Variants in TADA2A observed in about 807,000 individuals in gnomAD.
TADA2A encodes transcriptional adaptor 2A.
Under a neutral mutation model 67.4 loss-of-function variants are expected in TADA2A, and 38 were observed. The observed-to-expected ratio is 0.56, with a 90% CI of 0.44 to 0.74. The LOEUF is 0.74. Among genes scored for constraint, TADA2A ranks in the 30% least tolerant of loss-of-function variants. The pLI is 0.00. For missense variants in TADA2A, 454 were observed against 547.0 expected (o/e 0.83, Z 1.70); for synonymous variants, 192 against 181.6 (o/e 1.06, Z -0.46).
chr17:37,416,475 C>G (rs192889728), intron 2 of TADA2A, among the ~76,000 whole-genome samples: 72 of 152,092 alleles, frequency 4.7e-4, no homozygotes, highest in African/African-American at 1.6e-3. Context: ...TGCTTTTTTA[C>G]TTTCCTTATG....
intron 9 of TADA2A, among the ~76,000 whole-genome samples, chr17:37,459,935 G>A (rs2053505406): frequency 6.6e-6 from 1 of 151,452 alleles, no homozygotes; most frequent in African/African-American, 2.4e-5. Flanking sequence ...GGGTGGTGGT[G>A]CATGCCTGTA....
At chr17:37,474,407 C>G (rs1157130463) in intron 14 of TADA2A, 149 bp from the exon 15 acceptor site, 1 of 641,708 alleles carries the variant, frequency 1.6e-6, no homozygotes, top group African/African-American at 1.8e-5. Flanking sequence ...GTTAGCTAAA[C>G]AGGCCTGAGG....
chr17:37,477,946 A>G lies in TADA2A; in HGVS notation c.*964A>G, dbSNP rs1276922195. On this transcript the variant is annotated 3_prime_UTR_variant, in exon 16 of 16. Transcript: ENST00000615182. ...ACCAGCCTGACCAACATGGTGAAAC[A>G]GTCTCTACTAAAAATACAAAAATTA... The G allele has an allele frequency of 6.6e-6, 1 of 151,792 alleles. No homozygotes were observed. Among genetic ancestry groups the G allele is most frequent in the Non-Finnish European group, 1.5e-5 (1 of 67,950 alleles). 9.4% of individuals were successfully genotyped at this position (151,792 alleles called of 1,614,324 possible).
chr17:37,436,447 C>T (rs748626946), intron 4 of TADA2A: 2 of 152,182 alleles, frequency 1.3e-5, no homozygotes, highest in African/African-American at 2.4e-5. Context: ...GCAGCCTCCA[C>T]CTTCCAGTTC....
chr17:37,465,675 A>G (rs2053650249), intron 11 of TADA2A, 134 bp downstream of exon 11: 3 of 1,494,120 alleles, frequency 2.0e-6, no homozygotes, highest in Middle Eastern at 1.9e-4. Flanking sequence ...CTTTATTACC[A>G]TGAGACAAAT....
intron 14 of TADA2A, among the ~76,000 whole-genome samples, chr17:37,473,543 C>T (rs1169282235): frequency 1.3e-5 from 2 of 152,060 alleles, no homozygotes; most frequent in South Asian, 2.1e-4. Flanking sequence ...TGTAACAGTC[C>T]CTCCCCTTTC....
chr17:37,456,066 TG>T (rs199892534), intron 8 of TADA2A, among the ~76,000 whole-genome samples: 2,715 of 152,180 alleles, frequency 0.018, 77 homozygotes, highest in African/African-American at 0.062. Flanking sequence ...TAGCCAGGCA[TG>T]GTGGCGCACA....
chr17:37,434,540 T>A (rs2052664718), intron 4 of TADA2A, among the ~76,000 whole-genome samples: 1 of 152,248 alleles, frequency 6.6e-6, no homozygotes, highest in African/African-American at 2.4e-5. Context: ...TTGACTAATG[T>A]GTTCCTCTCT....
chr17:37,459,561 G>A (rs1568175221), intron 9 of TADA2A, among the ~76,000 whole-genome samples: 2 of 150,304 alleles, frequency 1.3e-5, no homozygotes, highest in Non-Finnish European at 3.0e-5. Flanking sequence ...GGGATTACAG[G>A]CGTGAGCCAC....
chr17:37,436,198 T>C (rs1268329243), intron 4 of TADA2A, among the ~76,000 whole-genome samples: 1 of 152,198 alleles, frequency 6.6e-6, no homozygotes, highest in East Asian at 1.9e-4. Flanking sequence ...TTTTAAGATT[T>C]GGCAATTTCT....
chr17:37,429,826 C>T (rs1444853406), intron 4 of TADA2A, among the ~76,000 whole-genome samples: 1 of 152,132 alleles, frequency 6.6e-6, no homozygotes, highest in East Asian at 1.9e-4. Flanking sequence ...TAAACAATTT[C>T]AGTCTTTTAA....
intron 15 of TADA2A, among the ~76,000 whole-genome samples, chr17:37,475,522 G>T (rs2053875304): frequency 6.6e-6 from 1 of 152,032 alleles, no homozygotes. Context: ...ACCCAGGCTG[G>T]AGTGCAGTGG....
intron 2 of TADA2A, among the ~76,000 whole-genome samples, chr17:37,422,481 G>GATGATTATTATT (rs1296355161): frequency 2.6e-4 from 35 of 136,990 alleles, no homozygotes; most frequent in African/African-American, 6.3e-4. Context: ...ATGCCCAGCT[G>GATGATTATTATT]ATTATTATTA....
chr17:37,466,880 G>C (rs1358954323), intron 11 of TADA2A, among the ~76,000 whole-genome samples: 1 of 152,198 alleles, frequency 6.6e-6, no homozygotes, highest in African/African-American at 2.4e-5. Context: ...ATTTTGCCCA[G>C]TGCGGTGGCT....
chr17:37,417,758 C>G (rs1470151926), intron 2 of TADA2A, among the ~76,000 whole-genome samples: 1 of 152,072 alleles, frequency 6.6e-6, no homozygotes, highest in Non-Finnish European at 1.5e-5. Context: ...TGGTCTTGAA[C>G]TTCTGGCCTC....
Position 37,477,060 on chromosome 17 carries a change from A to G in TADA2A, c.*78A>G. 7.0e-7 allele frequency: 1 copy of G among 1,437,610 alleles called. No homozygotes were observed. Among genetic ancestry groups the G allele is most frequent in the South Asian group, 1.4e-5 (1 of 73,908 alleles). 89.1% of individuals were successfully genotyped at this position (1,437,610 alleles called of 1,614,324 possible). ...AGGACAATATGGGTGGGCATTCTGG[A>G]GAGTTGTTTTTCAGCTGAATTCTCA... On this transcript the variant is annotated 3_prime_UTR_variant, in exon 16 of 16. Transcript: ENST00000615182.
At chr17:37,437,912 A>G (rs1411433521) in intron 5 of TADA2A, 83 bp downstream of exon 5, 9 of 1,277,816 alleles carry the variant, frequency 7.0e-6, no homozygotes, top group African/African-American at 1.5e-5. Context: ...AAGGAACCTC[A>G]GGAAGAGAAA....
intron 2 of TADA2A, 45 bp from the exon 3 acceptor site, chr17:37,423,464 C>A: frequency 1.4e-6 from 2 of 1,458,584 alleles, no homozygotes; most frequent in Non-Finnish European, 1.9e-6. Flanking sequence ...CTTAAGATAA[C>A]CGTAAGGTGG....
At chr17:37,411,148 G>A in intron 1 of TADA2A, 121 bp from the exon 2 acceptor site, 1 of 587,720 alleles carries the variant, frequency 1.7e-6, no homozygotes, top group South Asian at 2.3e-5. Flanking sequence ...TTCAGAGGTG[G>A]AATAATTTTT....
Sources: allele counts gnomAD v4.1 joint callset (sites outside exome capture counted in the v4.1 genomes callset), GRCh38; gene constraint gnomAD v4.1.1; transcripts MANE v1.5; gene names NCBI Gene and HGNC (gene_info 2026-07-23, HGNC 2026-07-21).